FGF14: variants seen among roughly 807,000 people sequenced by gnomAD.
FGF14 encodes the protein fibroblast growth factor 14.
FGF14 carries 5 observed loss-of-function variants against 25.5 expected under a neutral mutation model. The ratio of observed to expected loss-of-function variants is 0.20; its 90% CI spans 0.10 to 0.41. The LOEUF (loss-of-function observed/expected upper bound fraction) is 0.41, where lower values mean the gene tolerates loss of function less well. FGF14 is among the 10% of genes least tolerant of loss of function. The pLI, the probability that FGF14 is intolerant of heterozygous loss-of-function variation, is 1.00. For synonymous variants in FGF14, 138 were observed against 118.3 expected (o/e 1.17, Z -1.08); for missense variants, 222 against 320.1 (o/e 0.69, Z 2.34).
intron 1 of FGF14, among the ~76,000 whole-genome samples, chr13:101,908,612 C>A (rs1380329112): frequency 6.6e-6 from 1 of 152,132 alleles, no homozygotes; most frequent in Admixed American, 6.6e-5. Flanking sequence ...AATGGAAGAA[C>A]ATTCCATGCT....
At chr13:102,269,324 G>A (rs1381459112) in intron 1 of FGF14, among the ~76,000 whole-genome samples, 1 of 152,172 alleles carries the variant, frequency 6.6e-6, no homozygotes, top group Non-Finnish European at 1.5e-5. Context: ...TGTCAGCATG[G>A]ATAGCACAGG....
At chr13:101,946,950 A>G (rs11840989) in intron 1 of FGF14, among the ~76,000 whole-genome samples, 27,934 of 152,100 alleles carry the variant, frequency 0.18, 3,515 homozygotes, top group African/African-American at 0.34. Flanking sequence ...AGAACTCTTT[A>G]GTGCCCCGAG....
At chr13:102,195,988 A>T (rs1212222174) in intron 1 of FGF14, among the ~76,000 whole-genome samples, 1 of 152,212 alleles carries the variant, frequency 6.6e-6, no homozygotes, top group Non-Finnish European at 1.5e-5. Flanking sequence ...ACAAAGTGGC[A>T]TTAGCAACAA....
chr13:102,118,212 T>C (rs889564301), intron 1 of FGF14, among the ~76,000 whole-genome samples: 1 of 152,004 alleles, frequency 6.6e-6, no homozygotes, highest in Non-Finnish European at 1.5e-5. Context: ...TAAATAAATA[T>C]ATTGTATACG....
intron 1 of FGF14, among the ~76,000 whole-genome samples, chr13:102,222,195 T>A (rs9300721): frequency 0.66 from 99,642 of 151,988 alleles, 33,003 homozygotes; most frequent in Middle Eastern, 0.72. Context: ...CATCCACTGC[T>A]ATTCCTAGGG....
At chr13:102,307,424 T>A (rs950256008) in intron 1 of FGF14, among the ~76,000 whole-genome samples, 3 of 152,154 alleles carry the variant, frequency 2.0e-5, no homozygotes, top group African/African-American at 4.8e-5. Context: ...AAAAAACTAA[T>A]ACACCAATAA....
intron 1 of FGF14, among the ~76,000 whole-genome samples, chr13:102,337,741 C>T (rs1193931894): frequency 5.3e-5 from 8 of 152,240 alleles, no homozygotes; most frequent in South Asian, 2.1e-4. Context: ...ACTTGAGCAA[C>T]GACCACCCTG....
At chr13:102,193,612 T>C (rs1176331226) in intron 1 of FGF14, among the ~76,000 whole-genome samples, 2 of 152,186 alleles carry the variant, frequency 1.3e-5, no homozygotes, top group East Asian at 3.9e-4. Flanking sequence ...CAGGAAAGAC[T>C]GGGAGAGTTG....
chr13:101,788,949 CAGAGAG>C (rs60324795), intron 3 of FGF14, among the ~76,000 whole-genome samples: 2,998 of 74,992 alleles, frequency 0.04, 167 homozygotes, highest in African/African-American at 0.11. Context: ...GAGAGAGAGA[CAGAGAG>C]AGAGAGAGAG....
At chr13:102,052,573 G>T (rs2042260525) in intron 1 of FGF14, among the ~76,000 whole-genome samples, 1 of 151,704 alleles carries the variant, frequency 6.6e-6, no homozygotes, top group Non-Finnish European at 1.5e-5. Context: ...TTTCAATAAG[G>T]CAGCAGTGAA....
rs567206889 is a variant in FGF14 at position 102,041,594 on chromosome 13, AAAG to A, written c.209-166301_209-166299del. Reference sequence around the variant, plus strand: ...TTTGTGTTTCCATGTAAAAAAAAAAAAAGAGAGATTTTATTAAAAAATGTTTCC... The same window carrying A: ...TTTGTGTTTCCATGTAAAAAAAAAAAAGAGATTTTATTAAAAAATGTTTCC... On this transcript the variant is annotated intron_variant, in intron 1 of 4. Coordinates refer to the FGF14 transcript ENST00000376131. Among the ~76,000 whole-genome samples, 653 of 151,636 alleles carry A rather than the reference AAAG, an allele frequency of 4.3e-3. 5 individuals carry two copies. Among genetic ancestry groups the A allele is most frequent in the Admixed American group, 0.028 (426 of 15,222 alleles).
At chr13:102,310,898 G>T (rs1265491107) in intron 1 of FGF14, among the ~76,000 whole-genome samples, 1 of 151,892 alleles carries the variant, frequency 6.6e-6, no homozygotes, top group Non-Finnish European at 1.5e-5. Flanking sequence ...CACTGCCAGG[G>T]TCTCATTTTC....
chr13:102,349,709 C>A (rs903298851), intron 1 of FGF14, among the ~76,000 whole-genome samples: 1 of 151,974 alleles, frequency 6.6e-6, no homozygotes, highest in Non-Finnish European at 1.5e-5. Flanking sequence ...AGTTAAAAAC[C>A]CTGAGCATGT....
intron 3 of FGF14, among the ~76,000 whole-genome samples, chr13:101,810,935 A>G (rs1432752672): frequency 6.6e-6 from 1 of 152,102 alleles, no homozygotes; most frequent in African/African-American, 2.4e-5. Context: ...TTAAAAAAAC[A>G]CACACTTAAT....
chr13:101,998,211 A>G (rs1316517217), intron 1 of FGF14, among the ~76,000 whole-genome samples: 1 of 152,238 alleles, frequency 6.6e-6, no homozygotes, highest in Non-Finnish European at 1.5e-5. Context: ...CCTTAGAAGG[A>G]GAATGCACCA....
chr13:102,113,395 A>G (rs2045323935), intron 1 of FGF14, among the ~76,000 whole-genome samples: 3 of 152,200 alleles, frequency 2.0e-5, no homozygotes, highest in Admixed American at 2.0e-4. Flanking sequence ...CGATCAAACC[A>G]TGCAGCAATC....
At chr13:101,785,605 A>G (rs1280800617) in intron 3 of FGF14, among the ~76,000 whole-genome samples, 3 of 152,032 alleles carry the variant, frequency 2.0e-5, no homozygotes, top group Non-Finnish European at 4.4e-5. Context: ...TCTATCACCT[A>G]TCTATCTATT....
chr13:102,248,606 G>A (rs1245610600), intron 1 of FGF14, among the ~76,000 whole-genome samples: 1 of 152,110 alleles, frequency 6.6e-6, no homozygotes, highest in African/African-American at 2.4e-5. Context: ...GGAGATGGGG[G>A]CCAGATTACC....
intron 3 of FGF14, among the ~76,000 whole-genome samples, chr13:101,794,535 T>C (rs1349316668): frequency 6.6e-6 from 1 of 151,996 alleles, no homozygotes; most frequent in African/African-American, 2.4e-5. Flanking sequence ...AGACAGGGCT[T>C]CTCTGCTTTA....
Sources: gnomAD v4.1 joint callset for allele counts (sites outside exome capture counted in the v4.1 genomes callset) on GRCh38, gnomAD v4.1.1 for gene constraint, MANE v1.5 for transcripts, NCBI Gene and HGNC (gene_info 2026-07-23, HGNC 2026-07-21) for gene names.